POU1F1: variants seen among roughly 807,000 people sequenced by gnomAD.
POU1F1 encodes the protein POU class 1 homeobox 1, also known as pituitary-specific positive transcription factor 1.
A neutral mutation model predicts 32.3 loss-of-function variants in POU1F1; 23 were observed. The observed-to-expected ratio is 0.71, with a 90% CI of 0.51 to 1.01. POU1F1 has a LOEUF of 1.01. Among genes scored for constraint, POU1F1 ranks in the 50% least tolerant of loss-of-function variants. The pLI is 0.00. For synonymous variants in POU1F1, 120 were observed against 115.6 expected, an observed-to-expected ratio of 1.04 and a Z score of -0.25; for missense variants, 323 against 341.6, an observed-to-expected ratio of 0.95 and a Z score of 0.43.
In POU1F1 at chr3:87,264,582, GT is replaced by G. The variant is rs1706582054; in HGVS notation, c.215-71del. The G allele has an allele frequency of 1.0e-5, 13 of 1,296,992 alleles. No homozygotes were observed. In the South Asian group the frequency reaches 1.5e-4, roughly 15 times the overall value. The allele number at this position is 1,296,992 out of a possible 1,614,324, so 80.3% of individuals were successfully genotyped here. ...TCTCCTTATTTCTATATAAGAAAGG[GT>G]TTTGCCTGACTTAGCCCATTATTCT... On this transcript the variant is annotated intron_variant, in intron 2 of 5. Coordinates refer to ENST00000350375, the MANE Select transcript of POU1F1 (RefSeq NM_000306.4).
chr3:87,260,933 C>A (rs1225516307), intron 5 of POU1F1, among the ~76,000 whole-genome samples: 3 of 149,770 alleles, frequency 2.0e-5, no homozygotes, highest in Non-Finnish European at 3.0e-5. Context: ...TATTTTGAGA[C>A]GGTGTCTCGC....
rs1706465845 is a variant in POU1F1 at position 87,259,596 on chromosome 3, CATA to C, written c.*295_*297del. ...GAAAAGGAACTTATAAACCCATACT[CATA>C]TGTCTGCGTGTGTGTGAGAAAGAGA... is the stretch of plus-strand genomic sequence containing the variant. On this transcript the variant is annotated 3_prime_UTR_variant, in exon 6 of 6. Coordinates refer to ENST00000350375, the MANE Select transcript of POU1F1 (RefSeq NM_000306.4). The C allele has an allele frequency of 2.8e-6, 1 of 356,124 alleles. No individual in the cohort carries two copies. Among genetic ancestry groups the C allele is most frequent in the African/African-American group, 2.1e-5 (1 of 46,684 alleles). The allele number at this position is 356,124 out of a possible 1,614,324, so 22.1% of individuals were successfully genotyped here. A position where few individuals can be genotyped will look rare whatever the true frequency, so the allele number is the denominator to read the frequency against.
In POU1F1 at chr3:87,259,753, T is replaced by A. The variant is rs552876873; in HGVS notation, c.*141A>T. On this transcript the variant is annotated 3_prime_UTR_variant, in exon 6 of 6. Coordinates refer to ENST00000350375, the MANE Select transcript of POU1F1 (RefSeq NM_000306.4). ...AATTTAAATTGTTGGTTTCTTTTTT[T>A]TAAAAAAAAGTGGAAAAGTAAAGCT... is the stretch of plus-strand genomic sequence containing the variant. The A allele has an allele frequency of 7.6e-4, 521 of 686,254 alleles. 1 individual carries two copies. The highest frequency in any genetic ancestry group is 2.9e-3 in the East Asian group (104 of 36,088). 42.5% of individuals were successfully genotyped at this position (686,254 alleles called of 1,614,324 possible). A position where few individuals can be genotyped will look rare whatever the true frequency, so the allele number is the denominator to read the frequency against.
chr3:87,267,625 A>G (rs966812811), intron 2 of POU1F1, among the ~76,000 whole-genome samples: 1 of 152,102 alleles, frequency 6.6e-6, no homozygotes, highest in African/African-American at 2.4e-5. Flanking sequence ...CTTTATTTTT[A>G]GAGATGGGGT....
Position 87,264,299 on chromosome 3 carries a change from C to T in POU1F1, c.428G>A (p.Arg143Gln), listed in dbSNP as rs104893759. The T allele has an allele frequency of 6.2e-7, 1 of 1,609,802 alleles. No homozygotes were observed. Among genetic ancestry groups the T allele is most frequent in the East Asian group, 2.2e-5 (1 of 44,818 alleles). Residue 143 changes from arginine to glutamine, a missense_variant, in exon 3 of 6, where the codon CGA becomes CAA. By Grantham distance (43) the Arg-to-Gln change is conservative (BLOSUM62 1). Coordinates refer to ENST00000350375, the MANE Select transcript of POU1F1 (RefSeq NM_000306.4). ...TAACAAGCACATACCTAATTTAATTCGTCTCACTTTAAATTCATTGGCAAA... is the reference window on the plus strand; with the variant it reads ...TAACAAGCACATACCTAATTTAATTTGTCTCACTTTAAATTCATTGGCAAA... ...EKFANEFKVR[R>Q]IKLGYTQTNV...
intron 3 of POU1F1, among the ~76,000 whole-genome samples, chr3:87,263,244 A>G (rs1378830562): frequency 6.6e-6 from 1 of 152,144 alleles, no homozygotes; most frequent in Non-Finnish European, 1.5e-5. Context: ...AATGATTGTC[A>G]AGCATATTAA....
Position 87,264,591 on chromosome 3 carries a change from G to A in POU1F1, c.215-79C>T, listed in dbSNP as rs1258142123. On this transcript the variant is annotated intron_variant, in intron 2 of 5. Coordinates refer to ENST00000350375, the MANE Select transcript of POU1F1 (RefSeq NM_000306.4). ...TTCTATATAAGAAAGGGTTTTGCCT[G>A]ACTTAGCCCATTATTCTGCTCTAGC... 5.1e-6 allele frequency: 6 copies of A among 1,167,012 alleles called. No individual in the cohort carries two copies. The Admixed American group carries it at 7.4e-5, about 14-fold the overall frequency. 72.3% of individuals were successfully genotyped at this position (1,167,012 alleles called of 1,614,324 possible).
intron 5 of POU1F1, among the ~76,000 whole-genome samples, chr3:87,260,371 G>C (rs1405299587): frequency 6.6e-6 from 1 of 152,130 alleles, no homozygotes; most frequent in Admixed American, 6.6e-5. Context: ...TTCCCACTTT[G>C]TGCCACCAGA....
chr3:87,276,334 A>T lies in POU1F1; in HGVS notation c.129T>A (p.Asn43Lys). The change falls in exon 1 of 6, where the codon AAT becomes AAA. Residue 43 changes from asparagine (N) to lysine (K), a missense_variant. Physicochemically the swap from Asn to Lys is moderately conservative, Grantham distance 94. Transcript: ENST00000350375. ...ECLPVSNHATNVMSTATGLHY... is the reference protein window; with the variant it reads ...ECLPVSNHATKVMSTATGLHY... ...AGGAGTCAGTACCTGTAGACATCAC[A>T]TTGGTGGCATGGTTGGAGACTGGTA... The T allele has an allele frequency of 6.2e-7, 1 of 1,613,960 alleles. No homozygotes were observed. The highest frequency in any genetic ancestry group is 8.5e-7 in the Non-Finnish European group (1 of 1,179,874).
chr3:87,264,396 G>A lies in POU1F1; in HGVS notation c.331C>T (p.Leu111Phe). Residue 111 changes from leucine (L) to phenylalanine (F), a missense_variant, in exon 3 of 6, where the codon CTC becomes TTC. By Grantham distance (22) the Leu-to-Phe change is conservative. Transcript: ENST00000350375. ...DPTAADFKQELRRKSKLVEEP... is the reference protein window; with the variant it reads ...DPTAADFKQEFRRKSKLVEEP... Reference sequence around the variant, plus strand: ...TCCACCAATTTACTTTTCCGCCTGAGTTCCTGCTTGAAATCAGCAGCTGTG... The same window carrying A: ...TCCACCAATTTACTTTTCCGCCTGAATTCCTGCTTGAAATCAGCAGCTGTG... 6 of 1,613,730 alleles carry A rather than the reference G, an allele frequency of 3.7e-6. No individual in the cohort carries two copies. Among genetic ancestry groups the A allele is most frequent in the Non-Finnish European group, 5.1e-6 (6 of 1,179,728 alleles).
Position 87,271,511 on chromosome 3 carries a change from C to T in POU1F1, c.214+1836G>A, listed in dbSNP as rs574065424. Among the ~76,000 whole-genome samples the T allele has an allele frequency of 3.9e-5, 6 of 152,266 alleles. 1 individual carries two copies. The highest frequency in any genetic ancestry group is 1.4e-4 in the African/African-American group (6 of 41,546). Reference sequence around the variant, plus strand: ...TGTGCTGGGTTAAGAGAGAAACTAACAATGTACCTTGGTTCCTGGGAGTTC... The same window carrying T: ...TGTGCTGGGTTAAGAGAGAAACTAATAATGTACCTTGGTTCCTGGGAGTTC... On this transcript the variant is annotated intron_variant, in intron 2 of 5. Transcript: ENST00000350375.
intron 2 of POU1F1, among the ~76,000 whole-genome samples, chr3:87,272,128 T>C (rs1362993935): frequency 6.6e-6 from 1 of 151,874 alleles, no homozygotes; most frequent in Non-Finnish European, 1.5e-5. Flanking sequence ...ACAAGTCAAT[T>C]AGAAAAGATT....
intron 2 of POU1F1, among the ~76,000 whole-genome samples, chr3:87,272,803 A>G (rs919240048): frequency 6.6e-6 from 1 of 152,124 alleles, no homozygotes; most frequent in Non-Finnish European, 1.5e-5. Flanking sequence ...GCTTCAATCA[A>G]TGTCTTATTT....
chr3:87,262,303 C>A, intron 3 of POU1F1, 68 bp from the exon 4 acceptor site: 1 of 1,560,130 alleles, frequency 6.4e-7, no homozygotes, highest in Non-Finnish European at 8.8e-7. Context: ...TTCATTGTCA[C>A]ACAAATCTGT....
chr3:87,267,318 AAG>A (rs1706638272), intron 2 of POU1F1, among the ~76,000 whole-genome samples: 1 of 152,150 alleles, frequency 6.6e-6, no homozygotes, highest in Admixed American at 6.6e-5. Flanking sequence ...TTTAAGTAGA[AAG>A]AAAGTAAATA....
chr3:87,267,998 C>A (rs1706655258), intron 2 of POU1F1, among the ~76,000 whole-genome samples: 1 of 151,116 alleles, frequency 6.6e-6, no homozygotes, highest in Non-Finnish European at 1.5e-5. Flanking sequence ...GAAAAGTACA[C>A]AGAAAATACC....
intron 2 of POU1F1, among the ~76,000 whole-genome samples, chr3:87,271,562 C>G (rs1706720501): frequency 6.6e-6 from 1 of 152,078 alleles, no homozygotes; most frequent in Admixed American, 6.6e-5. Flanking sequence ...AAGGTCTTTC[C>G]TCCAGGAAAC....
chr3:87,261,200 A>T (rs1706508382), intron 5 of POU1F1, 73 bp downstream of exon 5: 1 of 1,118,574 alleles, frequency 8.9e-7, no homozygotes. Context: ...TTACACCTGC[A>T]TTACACTCAA....
intron 3 of POU1F1, 80 bp from the exon 4 acceptor site, chr3:87,262,315 T>C (rs1706529404): frequency 1.3e-6 from 2 of 1,510,732 alleles, no homozygotes; most frequent in South Asian, 1.1e-5. Context: ...CAAATCTGTG[T>C]ATCTTTGTCA....
Sources: gnomAD v4.1 joint callset for allele counts (sites outside exome capture counted in the v4.1 genomes callset) on GRCh38, gnomAD v4.1.1 for gene constraint, MANE v1.5 for transcripts, NCBI Gene and HGNC (gene_info 2026-07-23, HGNC 2026-07-21) for gene names.